Variants in SUPT3H observed in about 807,000 individuals in gnomAD.
SUPT3H encodes the protein transcription initiation protein SPT3 homolog.
Under a neutral mutation model 44.3 loss-of-function variants are expected in SUPT3H, and 44 were observed. The observed-to-expected ratio is 0.99, with a 90% CI of 0.78 to 1.28. The LOEUF is 1.28. Ranked by LOEUF, SUPT3H falls within the 50% of genes most tolerant of loss-of-function variation. The pLI is 0.00. For missense variants in SUPT3H, 380 were observed against 387.1 expected (o/e 0.98, Z 0.15); for synonymous variants, 124 against 125.6 (o/e 0.99, Z 0.09).
chr6:45,056,044 T>C (rs192184118), intron 3 of SUPT3H, among the ~76,000 whole-genome samples: 227 of 152,138 alleles, frequency 1.5e-3, no homozygotes, highest in African/African-American at 5.2e-3. Context: ...CAAAAGAATA[T>C]ATACAAATGA....
chr6:45,306,676 G>C (rs1359562850), intron 2 of SUPT3H, among the ~76,000 whole-genome samples: 4 of 152,186 alleles, frequency 2.6e-5, no homozygotes, highest in African/African-American at 9.6e-5. Context: ...TGGCCGAATA[G>C]GAACAGCTCC....
chr6:44,882,530 T>A (rs1306021870), intron 10 of SUPT3H, among the ~76,000 whole-genome samples: 1 of 152,184 alleles, frequency 6.6e-6, no homozygotes, highest in Non-Finnish European at 1.5e-5. Context: ...CCTTAAATCA[T>A]TTTATGAGGC....
At chr6:45,056,680 T>A (rs1014068611) in intron 3 of SUPT3H, among the ~76,000 whole-genome samples, 1 of 152,108 alleles carries the variant, frequency 6.6e-6, no homozygotes, top group Non-Finnish European at 1.5e-5. Flanking sequence ...AATGACACAG[T>A]GGACTTTGGG....
At chr6:45,128,557 T>TATATAA in intron 2 of SUPT3H, among the ~76,000 whole-genome samples, 1 of 56,734 alleles carries the variant, frequency 1.8e-5, no homozygotes, top group Non-Finnish European at 3.1e-5. Flanking sequence ...TATATATATA[T>TATATAA]ACACACACAC....
At chr6:45,283,230 T>A (rs1251736506) in intron 2 of SUPT3H, among the ~76,000 whole-genome samples, 1 of 152,014 alleles carries the variant, frequency 6.6e-6, no homozygotes, top group Non-Finnish European at 1.5e-5. Flanking sequence ...AATTCACACA[T>A]AACAATATTA....
At chr6:45,286,477 A>G (rs956249353) in intron 2 of SUPT3H, among the ~76,000 whole-genome samples, 1 of 152,228 alleles carries the variant, frequency 6.6e-6, no homozygotes, top group Admixed American at 6.5e-5. Flanking sequence ...TGCAACCAAA[A>G]GACACGTGAA....
At chr6:44,819,161 C>T (rs895649822) in intron 11 of SUPT3H, among the ~76,000 whole-genome samples, 23 of 151,912 alleles carry the variant, frequency 1.5e-4, no homozygotes, top group Admixed American at 3.9e-4. Flanking sequence ...AACTAACACA[C>T]GAAACAAGAT....
intron 2 of SUPT3H, among the ~76,000 whole-genome samples, chr6:45,120,453 C>CATATA (rs1429097888): frequency 1.0e-5 from 1 of 95,912 alleles, no homozygotes; most frequent in Admixed American, 1.1e-4. Context: ...ACTATATAAG[C>CATATA]ATATATCCAA....
chr6:45,366,198 G>T (rs2150282824), intron 1 of SUPT3H, among the ~76,000 whole-genome samples: 1 of 152,302 alleles, frequency 6.6e-6, no homozygotes, highest in African/African-American at 2.4e-5. Context: ...TTCTAAAGAA[G>T]AATGTAAGAT....
chr6:44,981,869 G>GAAA (rs374909903), intron 6 of SUPT3H, among the ~76,000 whole-genome samples: 3 of 129,068 alleles, frequency 2.3e-5, no homozygotes, highest in African/African-American at 2.9e-5. Flanking sequence ...TACATGACAT[G>GAAA]AAAAAAAAAA....
intron 2 of SUPT3H, among the ~76,000 whole-genome samples, chr6:45,323,215 T>C (rs1156837165): frequency 2.0e-5 from 3 of 152,142 alleles, no homozygotes; most frequent in African/African-American, 4.8e-5. Flanking sequence ...AAAAACTCTA[T>C]TATGTTCGGT....
At chr6:45,359,768 G>A (rs1462569659) in intron 2 of SUPT3H, among the ~76,000 whole-genome samples, 1 of 152,178 alleles carries the variant, frequency 6.6e-6, no homozygotes, top group Non-Finnish European at 1.5e-5. Context: ...GACAGGCTGG[G>A]CGCAGAGGCT....
chr6:45,139,173 A>G (rs1419715035), intron 2 of SUPT3H, among the ~76,000 whole-genome samples: 3 of 152,226 alleles, frequency 2.0e-5, no homozygotes, highest in Non-Finnish European at 1.5e-5. Context: ...TCAAAGCTAA[A>G]GTTTTATGAC....
chr6:44,855,490 C>A (rs534736862), intron 10 of SUPT3H, among the ~76,000 whole-genome samples: 1 of 152,228 alleles, frequency 6.6e-6, no homozygotes, highest in African/African-American at 2.4e-5. Flanking sequence ...TTCTTCATAT[C>A]TTTTCACTAC....
intron 6 of SUPT3H, among the ~76,000 whole-genome samples, chr6:44,977,915 C>T (rs1270455913): frequency 2.0e-5 from 3 of 152,092 alleles, no homozygotes; most frequent in South Asian, 2.1e-4. Context: ...CCTCAGATTG[C>T]GCTACATGCA....
At chr6:44,884,076 C>A (rs1013056659) in intron 10 of SUPT3H, among the ~76,000 whole-genome samples, 1 of 152,092 alleles carries the variant, frequency 6.6e-6, no homozygotes, top group African/African-American at 2.4e-5. Flanking sequence ...AACAGACAAC[C>A]TACAGAATGG....
chr6:45,172,635 A>C (rs540329628), intron 2 of SUPT3H, among the ~76,000 whole-genome samples: 1 of 150,138 alleles, frequency 6.7e-6, no homozygotes, highest in South Asian at 2.1e-4. Flanking sequence ...TCTGTTGCCC[A>C]GGCTGGAGTG....
chr6:45,110,008 C>A (rs192726507), intron 2 of SUPT3H, among the ~76,000 whole-genome samples: 199 of 152,232 alleles, frequency 1.3e-3, no homozygotes, highest in African/African-American at 4.6e-3. Flanking sequence ...TTTCAGGAAA[C>A]CTTCTGAAAA....
intron 6 of SUPT3H, among the ~76,000 whole-genome samples, chr6:44,982,372 C>T (rs568990030): frequency 3.2e-4 from 48 of 152,192 alleles, no homozygotes; most frequent in Admixed American, 9.8e-4. Context: ...TACAAGTGCC[C>T]GCCACCACGT....
Sources: gnomAD v4.1 joint callset for allele counts (sites outside exome capture counted in the v4.1 genomes callset) on GRCh38, gnomAD v4.1.1 for gene constraint, MANE v1.5 for transcripts, NCBI Gene and HGNC (gene_info 2026-07-23, HGNC 2026-07-21) for gene names.